SKIC3: variants seen among roughly 807,000 people sequenced by gnomAD.
SKIC3 encodes SKI3 subunit of superkiller complex.
At chr5:95,497,765 T>A in the SKIC3 span, among the ~76,000 whole-genome samples, 1 of 152,068 alleles carries the variant, frequency 6.6e-6, no homozygotes, top group Admixed American at 6.5e-5. Flanking sequence ...ACACACTGTG[T>A]TCAAACACAA....
chr5:95,528,001 T>C, the SKIC3 span: 1 of 1,613,396 alleles, frequency 6.2e-7, no homozygotes, highest in Non-Finnish European at 8.5e-7. Flanking sequence ...GAAAAAAACT[T>C]GACAAGTCTA....
chr5:95,545,302 G>A, the SKIC3 span, among the ~76,000 whole-genome samples: 16 of 152,014 alleles, frequency 1.1e-4, no homozygotes, highest in African/African-American at 2.7e-4. Flanking sequence ...ATACTATCAC[G>A]TCCTTGCATC....
chr5:95,516,135 AC>A, the SKIC3 span, among the ~76,000 whole-genome samples: 1 of 152,070 alleles, frequency 6.6e-6, no homozygotes, highest in African/African-American at 2.4e-5. Flanking sequence ...TAATCACAAA[AC>A]CAGAAGTTTC....
At chr5:95,490,505 T>TA in the SKIC3 span, among the ~76,000 whole-genome samples, 1,209 of 87,348 alleles carry the variant, frequency 0.014, 5 homozygotes, top group African/African-American at 0.047. Flanking sequence ...TATATATATA[T>TA]TTTTTTTTTT....
At chr5:95,491,564 C>T in the SKIC3 span, among the ~76,000 whole-genome samples, 1 of 152,206 alleles carries the variant, frequency 6.6e-6, no homozygotes, top group Non-Finnish European at 1.5e-5. Context: ...ATCTATCCCT[C>T]ATTCATTTGA....
the SKIC3 span, among the ~76,000 whole-genome samples, chr5:95,551,532 T>A: frequency 1.2e-4 from 18 of 152,162 alleles, no homozygotes; most frequent in Non-Finnish European, 2.2e-4. Flanking sequence ...GAAAGTAAGA[T>A]AATAGTTAAA....
At chr5:95,482,993 T>A in the SKIC3 span, among the ~76,000 whole-genome samples, 1 of 152,184 alleles carries the variant, frequency 6.6e-6, no homozygotes, top group Non-Finnish European at 1.5e-5. Context: ...TATTCCATAC[T>A]GGAATAAACT....
chr5:95,535,314 T>A, the SKIC3 span, among the ~76,000 whole-genome samples: 1 of 142,774 alleles, frequency 7.0e-6, no homozygotes, highest in Non-Finnish European at 1.5e-5. Context: ...GCAATTTTTT[T>A]TTTTTTTTTT....
At chr5:95,544,700 T>G in the SKIC3 span, among the ~76,000 whole-genome samples, 5 of 152,178 alleles carry the variant, frequency 3.3e-5, no homozygotes, top group Non-Finnish European at 5.9e-5. Context: ...CTGAACAAAA[T>G]GCCATACTCA....
the SKIC3 span, among the ~76,000 whole-genome samples, chr5:95,468,307 A>G: frequency 6.6e-6 from 1 of 152,152 alleles, no homozygotes; most frequent in African/African-American, 2.4e-5. Context: ...GAGAACAGAG[A>G]GACAGTCGCT....
the SKIC3 span, among the ~76,000 whole-genome samples, chr5:95,538,607 A>C: frequency 3.3e-5 from 5 of 152,162 alleles, no homozygotes; most frequent in African/African-American, 1.2e-4. Context: ...TACTATAATA[A>C]GACATTAAGT....
At chr5:95,484,998 C>G in the SKIC3 span, among the ~76,000 whole-genome samples, 3 of 152,172 alleles carry the variant, frequency 2.0e-5, no homozygotes, top group Admixed American at 2.0e-4. Flanking sequence ...ACTATCCTGA[C>G]AAGTGGCAGG....
chr5:95,475,667 T>C, the SKIC3 span, among the ~76,000 whole-genome samples: 2 of 152,228 alleles, frequency 1.3e-5, no homozygotes, highest in South Asian at 2.1e-4. Flanking sequence ...AACTGTGGTA[T>C]AAATTGAGTA....
the SKIC3 span, chr5:95,512,767 G>A: frequency 3.6e-6 from 3 of 843,406 alleles, no homozygotes; most frequent in African/African-American, 5.2e-5. Flanking sequence ...TAAATGAAGG[G>A]TCACTATGAT....
chr5:95,502,649 T>C, the SKIC3 span, among the ~76,000 whole-genome samples: 2 of 152,126 alleles, frequency 1.3e-5, no homozygotes, highest in Admixed American at 6.5e-5. Flanking sequence ...AAAAAACAAA[T>C]AATATGCAAC....
the SKIC3 span, among the ~76,000 whole-genome samples, chr5:95,505,536 G>A: frequency 1.3e-5 from 2 of 152,118 alleles, no homozygotes; most frequent in African/African-American, 2.4e-5. Flanking sequence ...CCTGAAGGCC[G>A]GGCACGGTGG....
the SKIC3 span, among the ~76,000 whole-genome samples, chr5:95,549,652 C>A: frequency 2.0e-5 from 3 of 151,980 alleles, no homozygotes; most frequent in African/African-American, 7.2e-5. Flanking sequence ...CATGCATACA[C>A]ACATATATGT....
chr5:95,534,896 C>T, the SKIC3 span, among the ~76,000 whole-genome samples: 2 of 152,192 alleles, frequency 1.3e-5, no homozygotes, highest in African/African-American at 4.8e-5. Context: ...ATGGGCATTT[C>T]TCATTAACTG....
At chr5:95,543,423 T>A in the SKIC3 span, 1 of 1,389,126 alleles carries the variant, frequency 7.2e-7, no homozygotes, top group Middle Eastern at 2.2e-4. Flanking sequence ...GAAATCTATA[T>A]CTACCACTTA....
Sources: allele counts gnomAD v4.1 joint callset (sites outside exome capture counted in the v4.1 genomes callset), GRCh38; gene constraint gnomAD v4.1.1; transcripts MANE v1.5; gene names NCBI Gene and HGNC (gene_info 2026-07-23, HGNC 2026-07-21).